UGT2B4: variants seen among roughly 807,000 people sequenced by gnomAD.
The protein encoded by UGT2B4 is UDP-glucuronosyltransferase 2B4.
In UGT2B4, 49 loss-of-function variants were observed where a neutral mutation model predicts 49.8. The ratio of observed to expected loss-of-function variants is 0.98; its 90% CI spans 0.78 to 1.25. The LOEUF is 1.25. UGT2B4 is among the 50% of genes most tolerant of loss of function. The pLI is 0.00. For synonymous variants in UGT2B4, 246 were observed against 217.7 expected (o/e 1.13, Z -1.14); for missense variants, 729 against 627.7 (o/e 1.16, Z -1.73).
Position 69,495,607 on chromosome 4 carries a change from C to T in UGT2B4, c.255G>A (p.Glu85=), listed in dbSNP as rs768307938. The change falls in exon 1 of 6, where the codon GAG becomes GAA. Residue 85 remains glutamate, a synonymous_variant. Transcript: ENST00000305107. Reference sequence around the variant, plus strand: ...CCAGCTGCTTGATAATATCCTCAAACTCAGTTTTAGTTAAAGATACAGGAT... The same window carrying T: ...CCAGCTGCTTGATAATATCCTCAAATTCAGTTTTAGTTAAAGATACAGGAT... The part of the protein sequence containing the change: ...EVYPVSLTKT[E]FEDIIKQLVK... The T allele has an allele frequency of 4.3e-6, 7 of 1,613,832 alleles. No individual in the cohort carries two copies. The highest frequency in any genetic ancestry group is 1.3e-5 in the African/African-American group (1 of 74,908).
chr4:69,495,818 C>G lies in UGT2B4; in HGVS notation c.44G>C (p.Ser15Thr), dbSNP rs1198813808. 15 of 1,610,698 alleles carry G rather than the reference C, an allele frequency of 9.3e-6. No homozygotes were observed. Among genetic ancestry groups the G allele is most frequent in the Non-Finnish European group, 1.2e-5 (14 of 1,179,060 alleles). The change falls in exon 1 of 6, where the codon AGC becomes ACC. Residue 15 changes from serine to threonine, a missense_variant. Transcript: ENST00000305107. ...ACAACTCCCAGAGCTAAAGTAACAG[C>G]TCAGCTGTATCAGCAGAAGAGCTGA... Reference protein sequence around the residue: ...WTSALLLIQLSCYFSSGSCGK... With the variant: ...WTSALLLIQLTCYFSSGSCGK...
chr4:69,509,526 T>TA (rs1240598504), intron 1 of UGT2B4, among the ~76,000 whole-genome samples: 1 of 152,174 alleles, frequency 6.6e-6, no homozygotes, highest in Non-Finnish European at 1.5e-5. Flanking sequence ...GCATCTGTGC[T>TA]AAAAAATACA....
intron 3 of UGT2B4, among the ~76,000 whole-genome samples, chr4:69,488,993 T>G (rs1727899549): frequency 6.6e-6 from 1 of 152,134 alleles, no homozygotes; most frequent in African/African-American, 2.4e-5. Context: ...CTAAACTGCA[T>G]GATGCATGTC....
intron 2 of UGT2B4, 46 bp downstream of exon 2, chr4:69,493,647 T>A: frequency 6.3e-7 from 1 of 1,576,590 alleles, no homozygotes; most frequent in Non-Finnish European, 8.6e-7. Context: ...ATAGAACCAT[T>A]CGTACTGAAA....
At position 69,493,833 on chromosome 4, in the gene UGT2B4, TG is replaced by T; in HGVS notation, c.729del (p.Thr244LeufsTer80). The T allele has an allele frequency of 1.3e-6, 2 of 1,592,118 alleles. No individual in the cohort carries two copies. Among genetic ancestry groups the T allele is most frequent in the Non-Finnish European group, 1.7e-6 (2 of 1,172,378 alleles). On this transcript the variant is annotated frameshift_variant, in exon 2 of 6. Coordinates refer to ENST00000305107, the MANE Select transcript of UGT2B4 (RefSeq NM_021139.3). LOFTEE classifies it high-confidence loss of function. ...TTTGCCATTGTCTCAGATAACGTAG[TG>T]GGTCTTCCTGATGGGGGAAAAAAAA... Reference protein sequence around the residue: ...DQFYSEVLGRPTTLSETMAKA... With the variant: ...DQFYSEVLGRXTTLSETMAKA...
At chr4:69,483,629 C>A (rs995605752) in intron 5 of UGT2B4, among the ~76,000 whole-genome samples, 1 of 151,512 alleles carries the variant, frequency 6.6e-6, no homozygotes, top group Non-Finnish European at 1.5e-5. Flanking sequence ...ATTCATTATC[C>A]TTCTATTTTC....
rs773213153 is a variant in UGT2B4 at position 69,493,857 on chromosome 4, AAAAG to A, written c.722-20_722-17del. The A allele has an allele frequency of 6.3e-7, 1 of 1,582,394 alleles. No homozygotes were observed. The highest frequency in any genetic ancestry group is 1.9e-5 in the Admixed American group (1 of 52,228). On this transcript the variant is annotated splice_polypyrimidine_tract_variant and intron_variant, in intron 1 of 5. Coordinates refer to ENST00000305107, the MANE Select transcript of UGT2B4 (RefSeq NM_021139.3). Reference sequence around the variant, plus strand: ...GTGGGTCTTCCTGATGGGGGAAAAAAAAAGAAAAGATAGATGACACAAGATAATT... The same window carrying A: ...GTGGGTCTTCCTGATGGGGGAAAAAAAAAAGATAGATGACACAAGATAATT...
At chr4:69,510,982 C>CT (rs1259714505) in intron 1 of UGT2B4, among the ~76,000 whole-genome samples, 10,946 of 107,764 alleles carry the variant, frequency 0.1, 657 homozygotes, top group Non-Finnish European at 0.14. Flanking sequence ...TCTTTCTTTT[C>CT]TTTTCTTCTT....
chr4:69,523,800 G>A (rs1296056233), intron 1 of UGT2B4, among the ~76,000 whole-genome samples: 2 of 152,076 alleles, frequency 1.3e-5, no homozygotes, highest in Non-Finnish European at 2.9e-5. Flanking sequence ...TTTTGTCTAC[G>A]TTGAAAATCT....
chr4:69,523,671 A>T (rs1283877563), intron 1 of UGT2B4, among the ~76,000 whole-genome samples: 2 of 152,106 alleles, frequency 1.3e-5, no homozygotes, highest in African/African-American at 4.8e-5. Flanking sequence ...TAAAGTCACC[A>T]GTTGAATTAC....
At chr4:69,518,156 C>A in intron 1 of UGT2B4, 1 of 153,326 alleles carries the variant, frequency 6.5e-6, no homozygotes. Context: ...TTCACTTTGT[C>A]ATGTGGCACT....
In UGT2B4 at chr4:69,495,716, C is replaced by T. The variant is rs1281419962; in HGVS notation, c.146G>A (p.Arg49Lys). 2 of 1,613,964 alleles carry T rather than the reference C, an allele frequency of 1.2e-6. No homozygotes were observed. The highest frequency in any genetic ancestry group is 1.7e-6 in the Non-Finnish European group (2 of 1,179,982). ...IKTILDELVQ[R>K]GHEVTVLASS... ...TGCCAATACAGTCACCTCATGACCT[C>T]TCTGGACAAGTTCATCCAGGATTGT... Residue 49 changes from arginine (R) to lysine (K), a missense_variant, in exon 1 of 6, where the codon AGA becomes AAA. By Grantham distance (26) the Arg-to-Lys change is conservative. Coordinates refer to ENST00000305107, the MANE Select transcript of UGT2B4 (RefSeq NM_021139.3).
intron 1 of UGT2B4, among the ~76,000 whole-genome samples, chr4:69,501,480 G>A (rs1594590): frequency 6.6e-6 from 1 of 151,984 alleles, no homozygotes; most frequent in Non-Finnish European, 1.5e-5. Context: ...GGGCGACTTA[G>A]CAATTTCAAC....
chr4:69,496,170 A>C (rs41299968), upstream of UGT2B4, among the ~76,000 whole-genome samples: 151 of 151,670 alleles, frequency 1.0e-3, no homozygotes, highest in East Asian at 0.026. Context: ...ACAGACAGGC[A>C]CCTGCCACCG....
intron 1 of UGT2B4, among the ~76,000 whole-genome samples, chr4:69,516,650 A>G (rs147910363): frequency 6.6e-6 from 1 of 152,070 alleles, no homozygotes; most frequent in Non-Finnish European, 1.5e-5. Context: ...TCTGTTGCCC[A>G]GGCTGGAGTG....
intron 1 of UGT2B4, among the ~76,000 whole-genome samples, chr4:69,507,646 A>G (rs1014236635): frequency 6.6e-6 from 1 of 151,586 alleles, no homozygotes; most frequent in Non-Finnish European, 1.5e-5. Context: ...GCCATACTGT[A>G]CAAAGCCATA....
chr4:69,491,441 T>C (rs1244457519), intron 2 of UGT2B4, among the ~76,000 whole-genome samples: 2 of 152,122 alleles, frequency 1.3e-5, no homozygotes, highest in Non-Finnish European at 2.9e-5. Context: ...GTGAATATAT[T>C]ATAAAACCAA....
At chr4:69,502,374 G>T (rs1212244016) in intron 1 of UGT2B4, among the ~76,000 whole-genome samples, 1 of 151,684 alleles carries the variant, frequency 6.6e-6, no homozygotes, top group East Asian at 2.0e-4. Context: ...CCTCCCAACT[G>T]GGGTCTTCAG....
At chr4:69,519,541 C>G (rs77238815) in intron 1 of UGT2B4, among the ~76,000 whole-genome samples, 3,111 of 152,310 alleles carry the variant, frequency 0.02, 46 homozygotes, top group East Asian at 0.061. Context: ...CCCCAAATCA[C>G]TAAGTCAAAG....
Sources: gnomAD v4.1 joint callset for allele counts (sites outside exome capture counted in the v4.1 genomes callset) on GRCh38, gnomAD v4.1.1 for gene constraint, MANE v1.5 for transcripts, NCBI Gene and HGNC (gene_info 2026-07-23, HGNC 2026-07-21) for gene names.